The following LYRM4 variants were observed in gnomAD, a reference collection of about 807,000 sequenced individuals.
LYRM4 encodes LYR motif-containing protein 4.
In LYRM4, 9 loss-of-function variants were observed where a neutral mutation model predicts 11.7. The ratio of observed to expected loss-of-function variants is 0.77; its 90% CI spans 0.46 to 1.34. The LOEUF is 1.34. Ranked by LOEUF, LYRM4 falls within the 40% of genes most tolerant of loss-of-function variation. The pLI is 0.00. For missense variants in LYRM4, 133 were observed against 112.5 expected (o/e 1.18, Z -0.82); for synonymous variants, 42 against 40.4 (o/e 1.04, Z -0.15).
At chr6:5,086,020 G>T in the LYRM4 span, 1 of 1,497,328 alleles carries the variant, frequency 6.7e-7, no homozygotes, top group South Asian at 1.2e-5. Context: ...GCAGCTCGGG[G>T]GGCTGCTGGC....
intron 2 of LYRM4, among the ~76,000 whole-genome samples, chr6:5,114,688 T>C (rs749066872): frequency 6.6e-6 from 1 of 151,912 alleles, no homozygotes; most frequent in Non-Finnish European, 1.5e-5. Context: ...AGAAGAAGAA[T>C]TGTCTTGGGC....
chr6:5,097,889 C>A, the LYRM4 span, among the ~76,000 whole-genome samples: 1 of 152,236 alleles, frequency 6.6e-6, no homozygotes, highest in African/African-American at 2.4e-5. Flanking sequence ...CGTTTCCTTA[C>A]AACAGCCTCT....
At chr6:5,042,710 T>G in the LYRM4 span, 1 of 152,642 alleles carries the variant, frequency 6.6e-6, no homozygotes, top group Non-Finnish European at 1.5e-5. Context: ...ATACATCACC[T>G]GGACACTAAA....
chr6:5,208,839 T>C (rs948129230), intron 2 of LYRM4, among the ~76,000 whole-genome samples: 2 of 152,174 alleles, frequency 1.3e-5, no homozygotes, highest in Non-Finnish European at 2.9e-5. Context: ...AACAAATGAA[T>C]GTCATACAGG....
At chr6:5,149,448 A>C (rs1757966647) in intron 2 of LYRM4, among the ~76,000 whole-genome samples, 1 of 152,206 alleles carries the variant, frequency 6.6e-6, no homozygotes, top group South Asian at 2.1e-4. Context: ...GTGGTTAACC[A>C]AGGTCAGATA....
chr6:5,192,982 C>A (rs141261167), intron 2 of LYRM4, among the ~76,000 whole-genome samples: 2,692 of 152,258 alleles, frequency 0.018, 72 homozygotes, highest in African/African-American at 0.061. Context: ...CAAGATCACG[C>A]CACTGTACTC....
rs1462244755 is a variant in LYRM4, at chr6:5,163,569, G to A, written c.207+53049C>T. The stretch of plus-strand genomic sequence containing the variant: ...TGCATTTTCATGTGAATTTTTGAAT[G>A]AGCGTCTCAGTTTCTGCAAAAGAAA... On this transcript the variant is annotated intron_variant, in intron 2 of 2. Coordinates refer to ENST00000330636, the MANE Select transcript of LYRM4 (RefSeq NM_020408.6). 2.0e-5 allele frequency among the ~76,000 whole-genome samples: 3 copies of A among 149,440 alleles called. No homozygotes were observed. The Admixed American group carries it at 2.0e-4, about 10-fold the overall frequency.
At chr6:5,258,226 T>C (rs1012464288) in intron 1 of LYRM4, among the ~76,000 whole-genome samples, 30 of 152,218 alleles carry the variant, frequency 2.0e-4, no homozygotes, top group African/African-American at 7.0e-4. Context: ...GCCTATATTA[T>C]AGGTCTTGCA....
At chr6:5,054,169 G>T in the LYRM4 span, 26 of 954,288 alleles carry the variant, frequency 2.7e-5, no homozygotes, top group Non-Finnish European at 3.0e-5. Flanking sequence ...CTGCAGGGAG[G>T]AAGAAAAGGG....
chr6:5,132,193 GT>G (rs1763986379), intron 2 of LYRM4, among the ~76,000 whole-genome samples: 1 of 152,196 alleles, frequency 6.6e-6, no homozygotes, highest in African/African-American at 2.4e-5. Flanking sequence ...ATTTAGGAAA[GT>G]GACATTTACT....
intron 2 of LYRM4, among the ~76,000 whole-genome samples, chr6:5,168,864 A>G (rs1759248798): frequency 6.6e-6 from 1 of 152,132 alleles, no homozygotes; most frequent in African/African-American, 2.4e-5. Flanking sequence ...TTTACTTTCA[A>G]ATGGCTCAGG....
chr6:5,243,271 C>A (rs1006265088), intron 1 of LYRM4, among the ~76,000 whole-genome samples: 1 of 152,190 alleles, frequency 6.6e-6, no homozygotes, highest in Non-Finnish European at 1.5e-5. Flanking sequence ...ACGCTCATGC[C>A]CGGGGCGCAC....
intron 2 of LYRM4, among the ~76,000 whole-genome samples, chr6:5,171,522 G>C (rs1482706917): frequency 6.6e-6 from 1 of 152,162 alleles, no homozygotes; most frequent in African/African-American, 2.4e-5. Context: ...GGAAGTGGTG[G>C]GGGGAGAAAC....
the LYRM4 span, among the ~76,000 whole-genome samples, chr6:5,035,485 T>C: frequency 6.8e-6 from 1 of 147,458 alleles, no homozygotes; most frequent in African/African-American, 2.5e-5. Context: ...TCCGTCACAC[T>C]CTCCTCCACC....
At chr6:5,059,544 G>C in the LYRM4 span, among the ~76,000 whole-genome samples, 3 of 151,978 alleles carry the variant, frequency 2.0e-5, no homozygotes, top group African/African-American at 7.3e-5. Flanking sequence ...AATTCTTGTC[G>C]CAGGAAGAGG....
chr6:5,148,114 C>T (rs1433280255), intron 2 of LYRM4: 1 of 152,742 alleles, frequency 6.5e-6, no homozygotes, highest in African/African-American at 2.4e-5. Flanking sequence ...TCACAGAAGA[C>T]ATCCGTGACT....
intron 2 of LYRM4, among the ~76,000 whole-genome samples, chr6:5,183,802 C>T (rs1018431486): frequency 7.2e-5 from 11 of 152,196 alleles, no homozygotes; most frequent in African/African-American, 2.4e-4. Flanking sequence ...TTTAATGCTC[C>T]ACTTGAGCTG....
chr6:5,110,975 T>C (rs1762855426), intron 2 of LYRM4, among the ~76,000 whole-genome samples: 1 of 152,186 alleles, frequency 6.6e-6, no homozygotes. Flanking sequence ...TCTCAGGGGC[T>C]ACGGTACAGT....
At chr6:5,173,807 G>A (rs971975083) in intron 2 of LYRM4, among the ~76,000 whole-genome samples, 7 of 152,310 alleles carry the variant, frequency 4.6e-5, no homozygotes, top group Non-Finnish European at 1.0e-4. Flanking sequence ...GAATTAATGC[G>A]GTGGGTTTTA....
Sources: allele counts gnomAD v4.1 joint callset (sites outside exome capture counted in the v4.1 genomes callset), GRCh38; gene constraint gnomAD v4.1.1; transcripts MANE v1.5; gene names NCBI Gene and HGNC (gene_info 2026-07-23, HGNC 2026-07-21).